Variants in ADAMTSL1 observed in about 807,000 individuals in gnomAD.
ADAMTSL1 encodes the protein ADAMTS like 1.
ADAMTSL1 carries 126 observed loss-of-function variants against 201.8 expected under a neutral mutation model. That is an observed-to-expected ratio of 0.62 (90% confidence interval 0.54 to 0.72). The LOEUF (loss-of-function observed/expected upper bound fraction) is 0.72. Ranked by LOEUF, ADAMTSL1 falls within the 30% of genes least tolerant of loss-of-function variation. ADAMTSL1 has a pLI of 0.00. For missense variants in ADAMTSL1, 2,679 were observed against 2,277.8 expected, an observed-to-expected ratio of 1.18 and a Z score of -3.59; for synonymous variants, 1,121 against 903.4, an observed-to-expected ratio of 1.24 and a Z score of -4.32.
intron 1 of ADAMTSL1, among the ~76,000 whole-genome samples, chr9:18,159,599 C>T (rs916152258): frequency 1.1e-4 from 16 of 151,974 alleles, no homozygotes; most frequent in South Asian, 4.1e-4. Flanking sequence ...AAAGACAAAC[C>T]GGTTGCTCTG....
intron 3 of ADAMTSL1, among the ~76,000 whole-genome samples, chr9:18,564,876 G>C (rs1465968233): frequency 6.6e-6 from 1 of 152,158 alleles, no homozygotes; most frequent in Non-Finnish European, 1.5e-5. Context: ...TTTCAAAATT[G>C]AGAGAATTTA....
At chr9:18,652,236 G>A (rs901264755) in intron 7 of ADAMTSL1, among the ~76,000 whole-genome samples, 2 of 151,904 alleles carry the variant, frequency 1.3e-5, no homozygotes, top group Non-Finnish European at 2.9e-5. Context: ...GCTGGGCGTG[G>A]TGGCAGGCAT....
At chr9:18,520,906 G>A (rs867602058) in intron 2 of ADAMTSL1, among the ~76,000 whole-genome samples, 14 of 152,296 alleles carry the variant, frequency 9.2e-5, no homozygotes, top group South Asian at 4.1e-4. Flanking sequence ...CTGCTTCTGC[G>A]TGGGATTCAG....
At chr9:17,991,891 G>C (rs1264334879) in intron 1 of ADAMTSL1, among the ~76,000 whole-genome samples, 1 of 152,044 alleles carries the variant, frequency 6.6e-6, no homozygotes, top group East Asian at 1.9e-4. Flanking sequence ...CATGAGACAG[G>C]GCCCTGCCCC....
At chr9:18,807,242 C>G (rs1317484229) in intron 20 of ADAMTSL1, among the ~76,000 whole-genome samples, 1 of 152,162 alleles carries the variant, frequency 6.6e-6, no homozygotes, top group Non-Finnish European at 1.5e-5. Context: ...ATAACACAAA[C>G]AAATTTACAG....
intron 1 of ADAMTSL1, among the ~76,000 whole-genome samples, chr9:18,118,623 T>C (rs760018428): frequency 3.9e-5 from 6 of 152,062 alleles, no homozygotes; most frequent in Admixed American, 6.6e-5. Flanking sequence ...AAGATAAACA[T>C]AGAAACAGCA....
At chr9:18,053,327 A>G (rs1822022135) in intron 1 of ADAMTSL1, among the ~76,000 whole-genome samples, 1 of 152,046 alleles carries the variant, frequency 6.6e-6, no homozygotes, top group African/African-American at 2.4e-5. Context: ...ATTACTCATT[A>G]TATTGCACTT....
intron 4 of ADAMTSL1, among the ~76,000 whole-genome samples, chr9:18,584,584 C>G (rs1298230056): frequency 6.6e-6 from 1 of 151,814 alleles, no homozygotes; most frequent in Non-Finnish European, 1.5e-5. Flanking sequence ...TGTTCATCAT[C>G]TCTTTCTAAG....
rs905708492 is a variant in ADAMTSL1 at position 17,919,883 on chromosome 9, T to A, written c.87+12961T>A. ...AAATAGTACACTATATTTAATCATT[T>A]GAGAAACTGCCAGAGTGTTTTCCAA... On this transcript the variant is annotated intron_variant, in intron 1 of 29. Transcript: ENST00000680146. 2.0e-5 allele frequency among the ~76,000 whole-genome samples: 3 copies of A among 152,134 alleles called. No homozygotes were observed. In the East Asian group the frequency reaches 5.8e-4, roughly 29 times the overall value.
At chr9:18,846,646 G>A (rs967093233) in intron 23 of ADAMTSL1, among the ~76,000 whole-genome samples, 1 of 152,196 alleles carries the variant, frequency 6.6e-6, no homozygotes, top group African/African-American at 2.4e-5. Context: ...TGACTGGTGT[G>A]TAGAGGATGG....
chr9:17,931,733 A>G (rs532864991), intron 1 of ADAMTSL1, among the ~76,000 whole-genome samples: 2 of 152,160 alleles, frequency 1.3e-5, no homozygotes, highest in South Asian at 4.1e-4. Context: ...ACACTCGTCC[A>G]AAAGCAGATG....
chr9:18,821,406 C>A (rs1045241164), intron 21 of ADAMTSL1, among the ~76,000 whole-genome samples: 1 of 152,038 alleles, frequency 6.6e-6, no homozygotes, highest in Non-Finnish European at 1.5e-5. Context: ...TCCTATCAAC[C>A]AGGAGAGGGG....
chr9:18,017,030 C>A (rs1820286745), intron 1 of ADAMTSL1, among the ~76,000 whole-genome samples: 1 of 152,090 alleles, frequency 6.6e-6, no homozygotes, highest in South Asian at 2.1e-4. Context: ...TTTCCCTTCT[C>A]TTTTTCTAGC....
chr9:18,465,100 C>T (rs560609592), intron 2 of ADAMTSL1, among the ~76,000 whole-genome samples: 5 of 152,270 alleles, frequency 3.3e-5, no homozygotes, highest in African/African-American at 9.6e-5. Context: ...TACAGAATCT[C>T]AGGAGTATTC....
At chr9:18,906,588 T>G in intron 27 of ADAMTSL1, 104 bp from the exon 28 acceptor site, 2 of 961,526 alleles carry the variant, frequency 2.1e-6, no homozygotes, top group Non-Finnish European at 3.0e-6. Context: ...TGAAAGTTCT[T>G]GAGGAACCAC....
intron 1 of ADAMTSL1, among the ~76,000 whole-genome samples, chr9:17,923,903 T>C (rs2200830): frequency 0.95 from 91,006 of 95,988 alleles, 43,366 homozygotes; most frequent in East Asian, 1. Flanking sequence ...TTGTCATTGG[T>C]TCTGTTTATA....
chr9:18,682,210 A>T (rs1244642584), intron 12 of ADAMTSL1, among the ~76,000 whole-genome samples: 1 of 152,194 alleles, frequency 6.6e-6, no homozygotes, highest in Non-Finnish European at 1.5e-5. Flanking sequence ...TTGTTTGAGG[A>T]CTATTGCTGA....
chr9:18,532,423 A>G (rs1819500357), intron 2 of ADAMTSL1, among the ~76,000 whole-genome samples: 1 of 152,184 alleles, frequency 6.6e-6, no homozygotes, highest in African/African-American at 2.4e-5. Context: ...ATGGTTTACC[A>G]TACTATCATT....
intron 1 of ADAMTSL1, among the ~76,000 whole-genome samples, chr9:18,025,040 A>AT (rs1476688684): frequency 6.6e-6 from 1 of 151,766 alleles, no homozygotes; most frequent in South Asian, 2.1e-4. Flanking sequence ...ATTTTTTCAT[A>AT]TTTTTTTGGC....
Sources: gnomAD v4.1 joint callset for allele counts (sites outside exome capture counted in the v4.1 genomes callset) on GRCh38, gnomAD v4.1.1 for gene constraint, MANE v1.5 for transcripts, NCBI Gene and HGNC (gene_info 2026-07-23, HGNC 2026-07-21) for gene names.